The following CRY2 variants were observed in gnomAD, a reference collection of about 807,000 sequenced individuals.
CRY2 encodes the protein cryptochrome circadian regulator 2, also known as cryptochrome-2.
Under a neutral mutation model 69.5 loss-of-function variants are expected in CRY2, and 31 were observed. The ratio of observed to expected loss-of-function variants is 0.45; its 90% CI spans 0.34 to 0.60. The LOEUF is 0.60. Ranked by LOEUF, CRY2 falls within the 20% of genes least tolerant of loss-of-function variation. The probability of loss-of-function intolerance (pLI) is 0.02; values close to 1 mark genes in which losing one functional copy is unlikely to be tolerated. For synonymous variants in CRY2, 303 were observed against 312.2 expected, an observed-to-expected ratio of 0.97 and a Z score of 0.31; for missense variants, 606 against 797.8, an observed-to-expected ratio of 0.76 and a Z score of 2.90.
chr11:45,870,964 C>T, intron 10 of CRY2, 30 bp downstream of exon 10: 1 of 1,574,756 alleles, frequency 6.4e-7, no homozygotes, highest in African/African-American at 1.3e-5. Context: ...CTCCTGTGGC[C>T]TCCTGTGGCC....
intron 5 of CRY2, among the ~76,000 whole-genome samples, chr11:45,864,807 G>A (rs1348034059): frequency 1.3e-5 from 2 of 151,742 alleles, no homozygotes; most frequent in African/African-American, 4.8e-5. Context: ...GGCGGAGGTT[G>A]CAGTGAGACG....
At chr11:45,862,964 T>A (rs748690539) in intron 5 of CRY2, among the ~76,000 whole-genome samples, 2 of 152,234 alleles carry the variant, frequency 1.3e-5, no homozygotes, top group East Asian at 3.8e-4. Context: ...GTCAGCTTTT[T>A]CTATGCCTGC....
intron 5 of CRY2, chr11:45,867,330 AT>A: frequency 2.5e-6 from 1 of 400,460 alleles, no homozygotes; most frequent in African/African-American, 2.0e-5. Context: ...TCCACAGAAG[AT>A]TGGAAATTTT....
At chr11:45,850,001 GT>G (rs1411076842) in intron 1 of CRY2, among the ~76,000 whole-genome samples, 2 of 93,554 alleles carry the variant, frequency 2.1e-5, no homozygotes, top group South Asian at 8.3e-4. Context: ...GTTTTGTTTT[GT>G]TTTTTGTTTT....
Position 45,849,640 on chromosome 11 carries a change from G to C in CRY2, c.215+1935G>C, listed in dbSNP as rs998757604. ...CAATTCTATTTTTTTTTTTTTTTGA[G>C]ACGGAGTTTTGTTCTTGTTGCCCAG... On this transcript the variant is annotated intron_variant, in intron 1 of 11. Transcript: ENST00000616080. Among the ~76,000 whole-genome samples the C allele has an allele frequency of 2.3e-4, 29 of 123,430 alleles. 1 individual carries two copies. Among genetic ancestry groups the C allele is most frequent in the African/African-American group, 8.5e-4 (29 of 33,958 alleles). The allele number at this position is 123,430 out of a possible 152,430, so 81.0% of individuals were successfully genotyped here.
intron 2 of CRY2, 148 bp downstream of exon 2, chr11:45,856,238 G>A: frequency 1.5e-6 from 1 of 665,418 alleles, no homozygotes; most frequent in Non-Finnish European, 2.6e-6. Context: ...AGCAAAGGCA[G>A]CCAGTTAGCT....
chr11:45,852,319 T>C (rs2086204216), intron 1 of CRY2, among the ~76,000 whole-genome samples: 1 of 152,102 alleles, frequency 6.6e-6, no homozygotes, highest in South Asian at 2.1e-4. Flanking sequence ...CAGAGTCCCC[T>C]CATTGGAGTA....
intron 6 of CRY2, chr11:45,868,056 C>G: frequency 3.0e-6 from 1 of 332,508 alleles, no homozygotes; most frequent in Non-Finnish European, 5.6e-6. Flanking sequence ...AGCTGGTGGA[C>G]AGGGGCGAGG....
At chr11:45,852,165 C>T (rs1014868686) in intron 1 of CRY2, among the ~76,000 whole-genome samples, 1 of 152,196 alleles carries the variant, frequency 6.6e-6, no homozygotes, top group Non-Finnish European at 1.5e-5. Flanking sequence ...TTCAGTTGCA[C>T]ATGTTGTCTA....
rs780736568 is a variant in CRY2 at position 45,847,647 on chromosome 11, G to A, written c.157G>A (p.Val53Ile). 2.5e-6 allele frequency: 4 copies of A among 1,598,836 alleles called. No individual in the cohort carries two copies. Among genetic ancestry groups the A allele is most frequent in the Non-Finnish European group, 3.4e-6 (4 of 1,173,610 alleles). Residue 53 changes from valine to isoleucine, a missense_variant, in exon 1 of 12, where the codon GTT (valine) becomes ATT (isoleucine). Physicochemically the swap from Val to Ile is conservative, Grantham distance 29 (BLOSUM62 3). Coordinates refer to ENST00000616080, the MANE Select transcript of CRY2 (RefSeq NM_021117.5). ...AVRGARCVRC[V>I]YILDPWFAAS... ...GCGCGGGGCGCGCTGCGTGCGCTGC[G>A]TTTACATTCTCGACCCGTGGTTCGC...
At position 45,847,603 on chromosome 11, in the gene CRY2, C is replaced by T. The variant is rs2086161154; in HGVS notation, c.113C>T (p.Pro38Leu). Residue 38 changes from proline (P) to leucine (L), a missense_variant, in exon 1 of 12, where the codon CCG becomes CTG. Coordinates refer to ENST00000616080, the MANE Select transcript of CRY2 (RefSeq NM_021117.5). ...AAAGGGCTGCGACTCCACGACAACC[C>T]GGCGTTGCTGGCGGCCGTGCGCGGG... ...FRKGLRLHDNPALLAAVRGAR... is the reference protein window; with the variant it reads ...FRKGLRLHDNLALLAAVRGAR... The T allele has an allele frequency of 6.2e-7, 1 of 1,606,290 alleles. No homozygotes were observed. The highest frequency in any genetic ancestry group is 8.5e-7 in the Non-Finnish European group (1 of 1,177,324).
intron 1 of CRY2, among the ~76,000 whole-genome samples, chr11:45,854,951 C>T (rs1040731956): frequency 8.5e-5 from 13 of 152,206 alleles, no homozygotes; most frequent in Admixed American, 3.3e-4. Flanking sequence ...TTGGTTGCCT[C>T]TGGGGAGTGA....
At chr11:45,851,571 A>G (rs1386085894) in intron 1 of CRY2, among the ~76,000 whole-genome samples, 3 of 152,230 alleles carry the variant, frequency 2.0e-5, no homozygotes, top group South Asian at 2.1e-4. Context: ...GCTGCCAAGG[A>G]AATGTTTCTG....
At chr11:45,853,128 T>C (rs936425742) in intron 1 of CRY2, among the ~76,000 whole-genome samples, 42 of 152,224 alleles carry the variant, frequency 2.8e-4, no homozygotes, top group African/African-American at 9.9e-4. Flanking sequence ...AGGTATATGA[T>C]GTTGGGCAAG....
intron 3 of CRY2, among the ~76,000 whole-genome samples, 165 bp from the exon 4 acceptor site, chr11:45,860,683 G>T (rs1045000947): frequency 3.3e-5 from 5 of 152,206 alleles, no homozygotes; most frequent in African/African-American, 4.8e-5. Flanking sequence ...GTAAAATGGA[G>T]ATGCGGCCTC....
At chr11:45,857,705 A>G (rs749832057) in intron 2 of CRY2, among the ~76,000 whole-genome samples, 9 of 152,390 alleles carry the variant, frequency 5.9e-5, no homozygotes, top group Middle Eastern at 3.4e-3. Context: ...GAGGAGGTCA[A>G]GAAGGCTTCT....
In CRY2 at chr11:45,847,608, T is replaced by C. The variant is rs759324769; in HGVS notation, c.118T>C (p.Leu40=). 38 of 1,605,868 alleles carry C rather than the reference T, an allele frequency of 2.4e-5. No individual in the cohort carries two copies. The highest frequency in any genetic ancestry group is 2.8e-5 in the Non-Finnish European group (33 of 1,177,178). ...KGLRLHDNPA[L]LAAVRGARCV... ...GCTGCGACTCCACGACAACCCGGCG[T>C]TGCTGGCGGCCGTGCGCGGGGCGCG... is the stretch of plus-strand genomic sequence containing the variant. Residue 40 remains leucine, a synonymous_variant, in exon 1 of 12, where the codon TTG becomes CTG. Coordinates refer to ENST00000616080, the MANE Select transcript of CRY2 (RefSeq NM_021117.5).
At chr11:45,853,874 G>C (rs2086217244) in intron 1 of CRY2, among the ~76,000 whole-genome samples, 1 of 152,250 alleles carries the variant, frequency 6.6e-6, no homozygotes, top group African/African-American at 2.4e-5. Flanking sequence ...CACAGAGGTG[G>C]AGCTTTTGGT....
At chr11:45,864,175 G>A (rs1369916476) in intron 5 of CRY2, among the ~76,000 whole-genome samples, 4 of 152,152 alleles carry the variant, frequency 2.6e-5, no homozygotes, top group African/African-American at 7.2e-5. Context: ...CACAGCACTT[G>A]TTGAACTGCA....
Sources: gnomAD v4.1 joint callset for allele counts (sites outside exome capture counted in the v4.1 genomes callset) on GRCh38, gnomAD v4.1.1 for gene constraint, MANE v1.5 for transcripts, NCBI Gene and HGNC (gene_info 2026-07-23, HGNC 2026-07-21) for gene names.